SLC22A23: variants seen among roughly 807,000 people sequenced by gnomAD.
SLC22A23 encodes the protein solute carrier family 22 member 23, also known as ion transporter protein.
SLC22A23 carries 26 observed loss-of-function variants against 61.0 expected under a neutral mutation model. The ratio of observed to expected loss-of-function variants is 0.43; its 90% CI spans 0.31 to 0.59. SLC22A23 has a LOEUF of 0.59. SLC22A23 is among the 20% of genes least tolerant of loss of function. The pLI is 0.11. For synonymous variants in SLC22A23, 430 were observed against 413.9 expected (o/e 1.04, Z -0.47); for missense variants, 796 against 934.7 (o/e 0.85, Z 1.94).
At chr6:3,424,247 C>T (rs9405201) in intron 1 of SLC22A23, among the ~76,000 whole-genome samples, 45,029 of 152,042 alleles carry the variant, frequency 0.3, 8,026 homozygotes, top group East Asian at 0.47. Context: ...ATGCCCTTGG[C>T]CCATGTTGCT....
intron 9 of SLC22A23, among the ~76,000 whole-genome samples, chr6:3,275,776 G>A (rs1005292256): frequency 6.6e-6 from 1 of 152,218 alleles, no homozygotes; most frequent in Non-Finnish European, 1.5e-5. Flanking sequence ...TAGAGTCGGG[G>A]TTTCGCTGTG....
intron 2 of SLC22A23, among the ~76,000 whole-genome samples, chr6:3,411,556 A>G (rs1010287321): frequency 6.6e-6 from 1 of 152,184 alleles, no homozygotes; most frequent in African/African-American, 2.4e-5. Context: ...CTCTGCAAAT[A>G]TACTAAAACT....
intron 2 of SLC22A23, among the ~76,000 whole-genome samples, chr6:3,411,652 G>A (rs1219170663): frequency 6.6e-6 from 1 of 152,062 alleles, no homozygotes; most frequent in East Asian, 1.9e-4. Context: ...ATTAAGGCAT[G>A]GCCTTACCCT....
chr6:3,298,543 CTG>C (rs1209520429), intron 4 of SLC22A23, among the ~76,000 whole-genome samples: 6 of 151,854 alleles, frequency 4.0e-5, no homozygotes, highest in African/African-American at 9.7e-5. Context: ...TGGGGGGAAA[CTG>C]GGGATAGGGA....
Position 3,273,148 on chromosome 6 carries a change from G to A in SLC22A23, c.1968C>T (p.Ala656=), listed in dbSNP as rs201244905. The A allele has an allele frequency of 9.9e-6, 16 of 1,611,204 alleles. No individual in the cohort carries two copies. Among genetic ancestry groups the A allele is most frequent in the Middle Eastern group, 1.6e-4 (1 of 6,082 alleles). ...GGAGGCCCGAGTAGTCCTTGAGCTC[G>A]GCGTTGGTGAGCAGCAGTGGCTGCT... ...KGEQPLLLTN[A]ELKDYSGLHD... is the part of the protein sequence containing the mutation. The change falls in exon 10 of 10, where the codon GCC becomes GCT. Residue 656 remains alanine (A), a synonymous_variant. Coordinates refer to ENST00000406686, the MANE Select transcript of SLC22A23 (RefSeq NM_015482.2).
At chr6:3,392,825 T>C (rs996150539) in intron 3 of SLC22A23, among the ~76,000 whole-genome samples, 10 of 152,122 alleles carry the variant, frequency 6.6e-5, no homozygotes, top group East Asian at 1.9e-4. Context: ...GACATCCAAG[T>C]GGAACATCCA....
At chr6:3,371,786 C>T (rs952684868) in intron 3 of SLC22A23, among the ~76,000 whole-genome samples, 2 of 152,156 alleles carry the variant, frequency 1.3e-5, no homozygotes, top group East Asian at 3.8e-4. Context: ...CTGCCAGGCA[C>T]TGTGTTAAGT....
Position 3,414,238 on chromosome 6 carries a change from A to G in SLC22A23, c.758+1514T>C, listed in dbSNP as rs1483952421. Among the ~76,000 whole-genome samples, 1 of 152,228 alleles carries G rather than the reference A, an allele frequency of 6.6e-6. No individual in the cohort carries two copies. Among genetic ancestry groups the G allele is most frequent in the African/African-American group, 2.4e-5 (1 of 41,462 alleles). On this transcript the variant is annotated intron_variant, in intron 2 of 9. Transcript: ENST00000406686. This position sits in a 1 kb window ranked among gnomAD's most constrained non-coding sequence, Gnocchi z 5.1. ...GAAAGACAGTGACATGGATTATATTAGTATATTTTTCTAACCTATTTCAAT... is the reference window on the plus strand; with the variant it reads ...GAAAGACAGTGACATGGATTATATTGGTATATTTTTCTAACCTATTTCAAT...
At chr6:3,346,347 C>T (rs1456991404) in intron 3 of SLC22A23, among the ~76,000 whole-genome samples, 1 of 152,212 alleles carries the variant, frequency 6.6e-6, no homozygotes, top group Admixed American at 6.5e-5. Context: ...CTTCCATCCA[C>T]TTCATGTCTG....
chr6:3,273,156 T>C lies in SLC22A23; in HGVS notation c.1960A>G (p.Thr654Ala), dbSNP rs1380914516. The change falls in exon 10 of 10, where the codon ACC becomes GCC. Residue 654 changes from threonine (T) to alanine (A), a missense_variant. By Grantham distance (58) the Thr-to-Ala change is moderately conservative (BLOSUM62 0). Transcript: ENST00000406686. ...HKKGEQPLLL[T>A]NAELKDYSGL... ...GAGTAGTCCTTGAGCTCGGCGTTGG[T>C]GAGCAGCAGTGGCTGCTCCCCCTTC... 6.2e-7 allele frequency: 1 copy of C among 1,612,046 alleles called. No individual in the cohort carries two copies. Among genetic ancestry groups the C allele is most frequent in the Admixed American group, 1.7e-5 (1 of 60,000 alleles).
intron 1 of SLC22A23, among the ~76,000 whole-genome samples, chr6:3,425,421 A>C (rs903130802): frequency 6.6e-6 from 1 of 151,478 alleles, no homozygotes; most frequent in Admixed American, 6.6e-5. Context: ...AGTAGCTGAG[A>C]CTACAGGCGC....
intron 4 of SLC22A23, among the ~76,000 whole-genome samples, chr6:3,310,955 C>T (rs745529777): frequency 5.9e-5 from 9 of 152,160 alleles, no homozygotes; most frequent in Non-Finnish European, 8.8e-5. Flanking sequence ...ATTTGTTTTT[C>T]GAAATATTTA....
intron 3 of SLC22A23, among the ~76,000 whole-genome samples, chr6:3,352,476 T>TAC (rs1290110201): frequency 1.3e-5 from 2 of 151,876 alleles, no homozygotes; most frequent in African/African-American, 4.8e-5. Context: ...CACGGCCACA[T>TAC]ACACACATAG....
chr6:3,298,192 A>G lies in SLC22A23; in HGVS notation c.1109T>C (p.Leu370Pro). The part of the protein sequence containing the change: ...WSIFPESLRW[L>P]MATQQFESAK... ...AGACTCAAACTGCTGGGTGGCCATTAGCCACCGGAGGGACTCGGGGAATAT... is the reference window on the plus strand; with the variant it reads ...AGACTCAAACTGCTGGGTGGCCATTGGCCACCGGAGGGACTCGGGGAATAT... The change falls in exon 5 of 10, where the codon CTA (leucine) becomes CCA (proline). Residue 370 changes from leucine to proline, a missense_variant. Transcript: ENST00000406686. 6.3e-7 allele frequency: 1 copy of G among 1,591,954 alleles called. No individual in the cohort carries two copies. Among genetic ancestry groups the G allele is most frequent in the African/African-American group, 1.4e-5 (1 of 73,540 alleles).
At chr6:3,291,006 T>C (rs982646541) in intron 5 of SLC22A23, 3 of 152,056 alleles carry the variant, frequency 2.0e-5, no homozygotes, top group African/African-American at 7.3e-5. Context: ...GCATCCCGGG[T>C]GGGAGGAGTC....
chr6:3,392,661 T>C (rs924282038), intron 3 of SLC22A23, among the ~76,000 whole-genome samples: 3 of 152,130 alleles, frequency 2.0e-5, no homozygotes, highest in African/African-American at 4.8e-5. Context: ...CTGAGAGGAT[T>C]TGCTGATCAA....
In SLC22A23 at chr6:3,309,125, C is replaced by T. The variant is rs1156321217; in HGVS notation, c.1083-10907G>A. On this transcript the variant is annotated intron_variant, in intron 4 of 9. Coordinates refer to ENST00000406686, the MANE Select transcript of SLC22A23 (RefSeq NM_015482.2). This position sits in a 1 kb window ranked among gnomAD's most constrained non-coding sequence, Gnocchi z 4.7. ...GACCAGCCTGTCCAACATGGTGAAACCCCCATCTCTACTAAAAACGCAAAA... is the reference window on the plus strand; with the variant it reads ...GACCAGCCTGTCCAACATGGTGAAATCCCCATCTCTACTAAAAACGCAAAA... Among the ~76,000 whole-genome samples the T allele has an allele frequency of 1.3e-4, 20 of 149,004 alleles. No individual in the cohort carries two copies. Among genetic ancestry groups the T allele is most frequent in the Non-Finnish European group, 1.5e-5 (1 of 67,094 alleles).
chr6:3,416,810 G>T (rs1769742456), intron 1 of SLC22A23, among the ~76,000 whole-genome samples: 1 of 152,248 alleles, frequency 6.6e-6, no homozygotes, highest in South Asian at 2.1e-4. Context: ...GGAGACGGGG[G>T]TGGGGTGGTG....
At chr6:3,288,760 C>G (rs1229036413) in intron 6 of SLC22A23, among the ~76,000 whole-genome samples, 1 of 152,268 alleles carries the variant, frequency 6.6e-6, no homozygotes, top group Non-Finnish European at 1.5e-5. Context: ...AACCAGGCAG[C>G]AGCAGAGTGG....
Sources: allele counts gnomAD v4.1 joint callset (sites outside exome capture counted in the v4.1 genomes callset), GRCh38; gene constraint gnomAD v4.1.1; non-coding constraint Gnocchi (gnomAD v3.1); transcripts MANE v1.5; gene names NCBI Gene and HGNC (gene_info 2026-07-23, HGNC 2026-07-21).